The following ZNF385D variants were observed in gnomAD, a reference collection of about 807,000 sequenced individuals.
The protein encoded by ZNF385D is zinc finger protein 385D.
In ZNF385D, 15 loss-of-function variants were observed where a neutral mutation model predicts 35.8. That is an observed-to-expected ratio of 0.42 (90% CI 0.28 to 0.64). The LOEUF (loss-of-function observed/expected upper bound fraction) is 0.64. Among genes scored for constraint, ZNF385D ranks in the 30% least tolerant of loss-of-function variants. The probability of loss-of-function intolerance (pLI) is 0.23; values close to 1 mark genes in which losing one functional copy is unlikely to be tolerated. For missense variants in ZNF385D, 474 were observed against 494.6 expected (o/e 0.96, Z 0.39); for synonymous variants, 212 against 186.8 (o/e 1.13, Z -1.10).
At chr3:22,168,498 G>A (rs1280110792) in intron 3 of ZNF385D, 1 of 152,148 alleles carries the variant, frequency 6.6e-6, no homozygotes, top group East Asian at 1.9e-4. Flanking sequence ...AAAACCCACT[G>A]TCCTATACAC....
intron 2 of ZNF385D, among the ~76,000 whole-genome samples, chr3:22,257,893 A>G (rs2125338693): frequency 6.6e-6 from 1 of 151,986 alleles, no homozygotes; most frequent in Non-Finnish European, 1.5e-5. Flanking sequence ...ATATTTTTAA[A>G]AAATTAGGTT....
rs1183460373 is a variant in ZNF385D, at chr3:21,861,667, G to C, written c.326-196639C>G. On this transcript the variant is annotated intron_variant, in intron 3 of 5. Transcript: ENST00000494108. The stretch of plus-strand genomic sequence containing the variant: ...GCCATAGGTGGATGTGGTCTTAATA[G>C]TATAAGAGCATGTAGTAAATACTGT... Among the ~76,000 whole-genome samples, 4 of 152,110 alleles carry C rather than the reference G, an allele frequency of 2.6e-5. No individual in the cohort carries two copies. The East Asian group carries it at 7.7e-4, about 29-fold the overall frequency.
chr3:21,537,771 G>A (rs2062071628), intron 3 of ZNF385D, among the ~76,000 whole-genome samples: 1 of 152,188 alleles, frequency 6.6e-6, no homozygotes, highest in African/African-American at 2.4e-5. Context: ...GTTTCATAGA[G>A]CTGCGTGGCC....
At position 21,729,206 on chromosome 3, in the gene ZNF385D, G is replaced by A. The variant is rs78266875; in HGVS notation, c.22+21689C>T. Among the ~76,000 whole-genome samples the A allele has an allele frequency of 5.0e-3, 763 of 152,150 alleles. 8 individuals carry two copies. The highest frequency in any genetic ancestry group is 0.018 in the African/African-American group (731 of 41,500). On this transcript the variant is annotated intron_variant, in intron 1 of 7. Coordinates refer to ENST00000281523, the MANE Select transcript of ZNF385D (RefSeq NM_024697.3). ...CTGATGGCAAAAATCAAAGTTACAA[G>A]GATTCAAGTATTCCTTACACCTTGA... is the stretch of plus-strand genomic sequence containing the variant.
At chr3:22,188,124 A>G (rs760546766) in intron 2 of ZNF385D, among the ~76,000 whole-genome samples, 2 of 152,156 alleles carry the variant, frequency 1.3e-5, no homozygotes, top group African/African-American at 4.8e-5. Flanking sequence ...AGAGGCAGAA[A>G]CCTAATTTTC....
chr3:22,310,802 C>T (rs1288552163), intron 2 of ZNF385D, among the ~76,000 whole-genome samples: 2 of 151,352 alleles, frequency 1.3e-5, no homozygotes, highest in African/African-American at 4.8e-5. Context: ...ATTTTACTTC[C>T]CATTTTTCTA....
chr3:21,963,106 C>T (rs1702689485), intron 3 of ZNF385D, among the ~76,000 whole-genome samples: 1 of 152,132 alleles, frequency 6.6e-6, no homozygotes, highest in South Asian at 2.1e-4. Context: ...TGACCCTTTC[C>T]CAAGAAATTT....
At chr3:21,476,872 C>T (rs1704281027) in intron 4 of ZNF385D, among the ~76,000 whole-genome samples, 1 of 152,080 alleles carries the variant, frequency 6.6e-6, no homozygotes, top group Non-Finnish European at 1.5e-5. Context: ...GAATATACTC[C>T]TGCATGCAGA....
intron 3 of ZNF385D, among the ~76,000 whole-genome samples, chr3:21,980,274 C>T (rs763667957): frequency 2.0e-5 from 3 of 152,072 alleles, no homozygotes; most frequent in African/African-American, 4.8e-5. Flanking sequence ...AATAACTTAA[C>T]GGTAACTTCA....
chr3:21,743,065 T>C (rs1481028124), intron 1 of ZNF385D, among the ~76,000 whole-genome samples: 1 of 152,186 alleles, frequency 6.6e-6, no homozygotes, highest in African/African-American at 2.4e-5. Context: ...ATTCTCCTTT[T>C]ACAAAGAAAC....
intron 2 of ZNF385D, among the ~76,000 whole-genome samples, chr3:22,180,202 C>T (rs1480486627): frequency 6.6e-6 from 1 of 152,158 alleles, no homozygotes; most frequent in Non-Finnish European, 1.5e-5. Flanking sequence ...TGGATAAATT[C>T]CTCGACACAT....
intron 3 of ZNF385D, among the ~76,000 whole-genome samples, chr3:22,076,449 C>T (rs1278672306): frequency 6.6e-6 from 1 of 151,858 alleles, no homozygotes; most frequent in African/African-American, 2.4e-5. Context: ...TCATTTGGAT[C>T]TCAGCTTAAG....
intron 2 of ZNF385D, among the ~76,000 whole-genome samples, chr3:21,643,259 A>C (rs1380122080): frequency 1.3e-5 from 2 of 152,154 alleles, no homozygotes; most frequent in East Asian, 3.9e-4. Context: ...GTTCAAAGGA[A>C]AACACCAATC....
At chr3:21,423,817 C>T (rs1039932817) in intron 7 of ZNF385D, 146 bp downstream of exon 7, 37 of 678,334 alleles carry the variant, frequency 5.5e-5, no homozygotes, top group Non-Finnish European at 9.6e-6. Flanking sequence ...TTCTCTTTTC[C>T]CTATGATCTA....
At chr3:22,370,756 G>A (rs1054251530) in intron 2 of ZNF385D, among the ~76,000 whole-genome samples, 9 of 152,134 alleles carry the variant, frequency 5.9e-5, no homozygotes, top group African/African-American at 2.2e-4. Context: ...CCACCTTCTT[G>A]GGATTGTTAG....
chr3:22,043,981 G>T (rs548859554), intron 3 of ZNF385D, among the ~76,000 whole-genome samples: 62 of 151,972 alleles, frequency 4.1e-4, no homozygotes, highest in Non-Finnish European at 7.8e-4. Flanking sequence ...AATAAAAAAA[G>T]GAACATTAGG....
intron 2 of ZNF385D, among the ~76,000 whole-genome samples, chr3:22,331,813 A>G (rs759330107): frequency 9.2e-5 from 14 of 152,178 alleles, no homozygotes; most frequent in Non-Finnish European, 2.1e-4. Context: ...ATATAGTGAC[A>G]TAATAATTGA....
intron 1 of ZNF385D, among the ~76,000 whole-genome samples, chr3:21,701,235 G>A (rs1210288612): frequency 5.9e-5 from 9 of 152,124 alleles, no homozygotes; most frequent in Non-Finnish European, 1.2e-4. Context: ...AGTTCCACAC[G>A]GCTCGGTAGG....
At chr3:21,424,815 T>C (rs1481764937) in intron 6 of ZNF385D, among the ~76,000 whole-genome samples, 2 of 151,986 alleles carry the variant, frequency 1.3e-5, no homozygotes, top group African/African-American at 4.8e-5. Context: ...ATCCTCACAT[T>C]TGTACAGTCA....
Sources: gnomAD v4.1 joint callset for allele counts (sites outside exome capture counted in the v4.1 genomes callset) on GRCh38, gnomAD v4.1.1 for gene constraint, MANE v1.5 for transcripts, NCBI Gene and HGNC (gene_info 2026-07-23, HGNC 2026-07-21) for gene names.